Variants in ANK3 observed in about 807,000 individuals in gnomAD.
The protein encoded by ANK3 is ankyrin 3.
ANK3 carries 57 observed loss-of-function variants against 370.9 expected under a neutral mutation model. That is an observed-to-expected ratio of 0.15 (90% confidence interval 0.12 to 0.19). The LOEUF is 0.19. Among genes scored for constraint, ANK3 ranks in the 10% least tolerant of loss-of-function variants. ANK3 has a pLI of 1.00. For missense variants in ANK3, 4,439 were observed against 5,302.1 expected (o/e 0.84, Z 5.06); for synonymous variants, 1,929 against 1,946.3 (o/e 0.99, Z 0.23).
At chr10:60,078,627 A>G (rs2084366542) in intron 36 of ANK3, among the ~76,000 whole-genome samples, 1 of 152,130 alleles carries the variant, frequency 6.6e-6, no homozygotes, top group African/African-American at 2.4e-5. Flanking sequence ...CTTTAATGAC[A>G]TATATTTTGG....
At chr10:60,119,212 T>C (rs1267074571) in intron 25 of ANK3, among the ~76,000 whole-genome samples, 9 of 152,336 alleles carry the variant, frequency 5.9e-5, no homozygotes, top group Admixed American at 4.6e-4. Flanking sequence ...ATACTCTTCC[T>C]ATGGCGCATC....
chr10:60,239,910 A>T (rs971294709), intron 7 of ANK3, among the ~76,000 whole-genome samples: 1 of 151,830 alleles, frequency 6.6e-6, no homozygotes, highest in African/African-American at 2.4e-5. Flanking sequence ...TGGATGTATT[A>T]TTAAAGATAT....
At chr10:60,382,892 C>T (rs2061740096) in intron 1 of ANK3, among the ~76,000 whole-genome samples, 1 of 150,126 alleles carries the variant, frequency 6.7e-6, no homozygotes, top group Admixed American at 6.7e-5. Context: ...CAGAAGTACA[C>T]TAAGTATAAA....
intron 25 of ANK3, among the ~76,000 whole-genome samples, chr10:60,114,741 G>A (rs1185052785): frequency 6.6e-6 from 1 of 152,200 alleles, no homozygotes; most frequent in East Asian, 1.9e-4. Context: ...GGGCGGAGTA[G>A]CTAGTAGCAG....
At chr10:60,406,920 T>C (rs2063468069) in intron 2 of ANK3, among the ~76,000 whole-genome samples, 11 of 152,226 alleles carry the variant, frequency 7.2e-5, no homozygotes. Context: ...GGGCAAATTA[T>C]AACAGGAAAG....
chr10:60,255,730 T>C (rs72820480), intron 7 of ANK3, among the ~76,000 whole-genome samples: 2,955 of 152,314 alleles, frequency 0.019, 37 homozygotes, highest in South Asian at 0.035. Flanking sequence ...GGACATGCGA[T>C]ATATCTGTGC....
intron 2 of ANK3, among the ~76,000 whole-genome samples, chr10:60,540,958 T>C (rs1404990494): frequency 1.3e-5 from 2 of 151,936 alleles, no homozygotes; most frequent in Admixed American, 6.6e-5. Flanking sequence ...TAGTATCATC[T>C]AAGTGAAAAA....
rs2063460821 is a variant in ANK3, at chr10:60,406,581, G to T, written c.97-126942C>A. On this transcript the variant is annotated intron_variant, in intron 2 of 43. Transcript: ENST00000373827. ...CAGGAGGTGAAGCATAGGCAGTAAT[G>T]CTGGCTCACCTCCTGCTGTGTGGCC... 2.6e-5 allele frequency among the ~76,000 whole-genome samples: 4 copies of T among 152,182 alleles called. No homozygotes were observed. The South Asian group carries it at 6.2e-4, about 24-fold the overall frequency.
chr10:60,137,098 G>A (rs2094377747), intron 24 of ANK3, among the ~76,000 whole-genome samples: 1 of 151,950 alleles, frequency 6.6e-6, no homozygotes, highest in Non-Finnish European at 1.5e-5. Context: ...TACAAAACTT[G>A]TTAAGGGAAA....
chr10:60,205,952 G>C, intron 10 of ANK3, 62 bp from the exon 11 acceptor site: 1 of 1,079,424 alleles, frequency 9.3e-7, no homozygotes, highest in Non-Finnish European at 1.4e-6. Context: ...GTTTCACTGT[G>C]TGCAGTAAAT....
intron 1 of ANK3, among the ~76,000 whole-genome samples, chr10:60,358,840 C>T (rs549942485): frequency 6.6e-6 from 1 of 152,098 alleles, no homozygotes; most frequent in Non-Finnish European, 1.5e-5. Flanking sequence ...GTTTGATAAA[C>T]CTTTTTTTTT....
chr10:60,436,729 C>T (rs1460984202), intron 2 of ANK3, among the ~76,000 whole-genome samples: 1 of 152,116 alleles, frequency 6.6e-6, no homozygotes, highest in Non-Finnish European at 1.5e-5. Flanking sequence ...ATAGGTGATC[C>T]GCAAATATAT....
At position 60,146,021 on chromosome 10, in the gene ANK3, C is replaced by A. The variant is rs1452662084; in HGVS notation, c.2615-6934G>T. On this transcript the variant is annotated intron_variant, in intron 23 of 43. Transcript: ENST00000280772. ...AATTTTGTACCATGTGCATCTATTACCTATTCAAAAAATGAATAAAATTAA... is the reference window on the plus strand; with the variant it reads ...AATTTTGTACCATGTGCATCTATTAACTATTCAAAAAATGAATAAAATTAA... 4.4e-6 allele frequency: 6 copies of A among 1,348,840 alleles called. No homozygotes were observed. The East Asian group carries it at 1.2e-4, about 28-fold the overall frequency. 83.6% of individuals were successfully genotyped at this position (1,348,840 alleles called of 1,614,324 possible).
chr10:60,218,174 T>A (rs924881838), intron 8 of ANK3, among the ~76,000 whole-genome samples: 1 of 151,556 alleles, frequency 6.6e-6, no homozygotes, highest in African/African-American at 2.4e-5. Context: ...CCTATGTGTG[T>A]CTTTGCACAT....
intron 2 of ANK3, among the ~76,000 whole-genome samples, chr10:60,531,055 T>C (rs995132059): frequency 1.3e-5 from 2 of 152,136 alleles, no homozygotes; most frequent in African/African-American, 4.8e-5. Context: ...TAATGGACAA[T>C]GTTCAGAAAT....
chr10:60,389,220 C>A (rs1016668722), intron 1 of ANK3, among the ~76,000 whole-genome samples: 1 of 152,080 alleles, frequency 6.6e-6, no homozygotes, highest in Non-Finnish European at 1.5e-5. Context: ...CTGCAATCAC[C>A]CCACAGGAGA....
rs199563738 is a variant in ANK3, at chr10:60,269,658, C to CA, written c.513+472dup. ...AGACTCCATCCCCCCTCCCCCCCCC[C>CA]AAAAAAAGTACCATAGTTTTATTTA... On this transcript the variant is annotated intron_variant, in intron 5 of 43. Coordinates refer to ENST00000280772, the MANE Select transcript of ANK3 (RefSeq NM_020987.5). Among the ~76,000 whole-genome samples the CA allele has an allele frequency of 2.5e-4, 31 of 124,858 alleles. 1 individual carries two copies. The highest frequency in any genetic ancestry group is 4.8e-4 in the East Asian group (2 of 4,186). 81.9% of individuals were successfully genotyped at this position (124,858 alleles called of 152,430 possible). A position where few individuals can be genotyped will look rare whatever the true frequency, so the allele number is the denominator to read the frequency against.
intron 1 of ANK3, among the ~76,000 whole-genome samples, chr10:60,381,631 G>A (rs1439238982): frequency 6.6e-6 from 1 of 152,102 alleles, no homozygotes; most frequent in Non-Finnish European, 1.5e-5. Flanking sequence ...CGTCATTCTT[G>A]ACTACAATCC....
chr10:60,283,963 A>C (rs551297666), intron 1 of ANK3, among the ~76,000 whole-genome samples: 1 of 152,276 alleles, frequency 6.6e-6, no homozygotes, highest in South Asian at 2.1e-4. Flanking sequence ...AGTGGGTTGA[A>C]TGGTGTCTCC....
Sources: allele counts gnomAD v4.1 joint callset (sites outside exome capture counted in the v4.1 genomes callset), GRCh38; gene constraint gnomAD v4.1.1; transcripts MANE v1.5; gene names NCBI Gene and HGNC (gene_info 2026-07-23, HGNC 2026-07-21).